Variants in TTC28 observed in about 807,000 individuals in gnomAD.
TTC28 encodes the protein tetratricopeptide repeat protein 28.
A neutral mutation model predicts 198.0 loss-of-function variants in TTC28; 61 were observed. The observed-to-expected ratio is 0.31, with a 90% CI of 0.25 to 0.38. The LOEUF (loss-of-function observed/expected upper bound fraction) is 0.38. TTC28 is among the 10% of genes least tolerant of loss of function. The pLI is 1.00. For missense variants in TTC28, 2,678 were observed against 3,164.0 expected, an observed-to-expected ratio of 0.85 and a Z score of 3.69; for synonymous variants, 1,171 against 1,297.8, an observed-to-expected ratio of 0.90 and a Z score of 2.10.
At position 27,996,236 on chromosome 22, in the gene TTC28, C is replaced by A; in HGVS notation, c.5143G>T (p.Val1715Phe). Reference sequence around the variant, plus strand: ...AGTGATGAGGGGCTGTTCAGCTTAACGTCACTCCCGATGAGCATGAACCCT... The same window carrying A: ...AGTGATGAGGGGCTGTTCAGCTTAAAGTCACTCCCGATGAGCATGAACCCT... Reference protein sequence around the residue: ...WAGFMLIGSDVKLNSPSSLIG... With the variant: ...WAGFMLIGSDFKLNSPSSLIG... Residue 1715 changes from valine to phenylalanine, a missense_variant, in exon 17 of 23, where the codon GTT becomes TTT. Val to Phe is a conservative substitution (Grantham distance 50). Coordinates refer to ENST00000397906, the MANE Select transcript of TTC28 (RefSeq NM_001145418.2). 1.3e-6 allele frequency: 2 copies of A among 1,551,154 alleles called. No homozygotes were observed. Among genetic ancestry groups the A allele is most frequent in the African/African-American group, 1.4e-5 (1 of 73,186 alleles).
At position 28,108,246 on chromosome 22, in the gene TTC28, C is replaced by T. The variant is rs562938174; in HGVS notation, c.1599G>A (p.Ala533=). 1.9e-5 allele frequency: 30 copies of T among 1,550,804 alleles called. No homozygotes were observed. Among genetic ancestry groups the T allele is most frequent in the South Asian group, 8.3e-5 (7 of 83,998 alleles). The part of the protein sequence containing the change: ...AYNALGMYDQ[A]VKYHRQELQI... ...GCAGCTCCTGCCGATGGTATTTGAC[C>T]GCCTGGTCGTACATGCCCAGGGCAT... The change falls in exon 7 of 23, where the codon GCG becomes GCA. Residue 533 remains alanine, a synonymous_variant. Transcript: ENST00000397906.
chr22:28,070,248 C>T (rs984247858), intron 12 of TTC28, among the ~76,000 whole-genome samples: 11 of 152,112 alleles, frequency 7.2e-5, no homozygotes, highest in African/African-American at 2.4e-4. Flanking sequence ...CAATCTCTGC[C>T]CTCAATGGGC....
chr22:28,558,464 A>T (rs2049818893), intron 2 of TTC28, among the ~76,000 whole-genome samples: 1 of 152,108 alleles, frequency 6.6e-6, no homozygotes, highest in Non-Finnish European at 1.5e-5. Flanking sequence ...ACCTGAGGTC[A>T]GGAGTTCAAG....
chr22:28,512,555 G>C (rs549287707), intron 2 of TTC28, among the ~76,000 whole-genome samples: 39 of 152,292 alleles, frequency 2.6e-4, no homozygotes, highest in African/African-American at 8.7e-4. Context: ...ACTAGATAAA[G>C]AAAATGTGGT....
chr22:28,085,842 A>C (rs1941571175), intron 12 of TTC28, among the ~76,000 whole-genome samples: 1 of 152,116 alleles, frequency 6.6e-6, no homozygotes. Context: ...GGAAAACAAA[A>C]AAAGGCAGGG....
At chr22:28,223,348 A>G (rs1748120321) in intron 5 of TTC28, among the ~76,000 whole-genome samples, 1 of 152,262 alleles carries the variant, frequency 6.6e-6, no homozygotes, top group South Asian at 2.1e-4. Context: ...TGAAGCCAGC[A>G]AAGTCCCTCT....
intron 2 of TTC28, among the ~76,000 whole-genome samples, chr22:28,541,680 T>C (rs1023816698): frequency 5.9e-5 from 9 of 151,850 alleles, no homozygotes; most frequent in Non-Finnish European, 8.8e-5. Flanking sequence ...AAATTAAAAG[T>C]TATTGTAACT....
chr22:28,510,786 C>T (rs2048677236), intron 2 of TTC28, among the ~76,000 whole-genome samples: 1 of 152,026 alleles, frequency 6.6e-6, no homozygotes, highest in African/African-American at 2.4e-5. Flanking sequence ...GCTTCCTAAG[C>T]TAAAAAACAA....
At chr22:28,361,952 T>C (rs2046165602) in intron 2 of TTC28, among the ~76,000 whole-genome samples, 1 of 152,216 alleles carries the variant, frequency 6.6e-6, no homozygotes. Context: ...AGCACACTAT[T>C]GAGACCCTAC....
chr22:28,127,620 T>C (rs1942951055), intron 6 of TTC28, among the ~76,000 whole-genome samples: 2 of 152,218 alleles, frequency 1.3e-5, no homozygotes, highest in African/African-American at 2.4e-5. Flanking sequence ...TTCATATTGA[T>C]TACATGGTGA....
At chr22:28,049,228 G>T (rs1939984207) in intron 12 of TTC28, among the ~76,000 whole-genome samples, 1 of 152,166 alleles carries the variant, frequency 6.6e-6, no homozygotes. Context: ...ATGTGCCACA[G>T]GAGCAGCACA....
chr22:28,426,599 C>A (rs370344842), intron 2 of TTC28, among the ~76,000 whole-genome samples: 3 of 152,246 alleles, frequency 2.0e-5, no homozygotes, highest in South Asian at 2.1e-4. Context: ...GGGAACCACT[C>A]GGTGATCCAC....
At chr22:28,509,710 C>T (rs541923398) in intron 2 of TTC28, among the ~76,000 whole-genome samples, 4 of 151,274 alleles carry the variant, frequency 2.6e-5, no homozygotes, top group African/African-American at 7.3e-5. Context: ...GATGGAGACA[C>T]GAAAAGCCCT....
intron 2 of TTC28, among the ~76,000 whole-genome samples, chr22:28,369,402 T>C (rs980520586): frequency 6.6e-6 from 1 of 152,238 alleles, no homozygotes; most frequent in East Asian, 1.9e-4. Flanking sequence ...TGTTGTATCA[T>C]TAACATGTGT....
At chr22:28,555,750 G>A (rs1280527839) in intron 2 of TTC28, among the ~76,000 whole-genome samples, 1 of 152,238 alleles carries the variant, frequency 6.6e-6, no homozygotes. Flanking sequence ...CTGCTCGGGC[G>A]ATGGGTGCAC....
chr22:28,460,505 A>G (rs2047931970), intron 2 of TTC28, among the ~76,000 whole-genome samples: 1 of 152,068 alleles, frequency 6.6e-6, no homozygotes, highest in Non-Finnish European at 1.5e-5. Context: ...TTTCTGCCCA[A>G]AAGAATATCT....
intron 2 of TTC28, among the ~76,000 whole-genome samples, chr22:28,351,275 A>T (rs1242043986): frequency 1.3e-5 from 2 of 152,218 alleles, no homozygotes; most frequent in Non-Finnish European, 2.9e-5. Context: ...TGCATTCTAC[A>T]AACAAAAGAG....
At chr22:28,362,920 C>T (rs134512) in intron 2 of TTC28, among the ~76,000 whole-genome samples, 149,087 of 152,246 alleles carry the variant, frequency 0.98, 72,996 homozygotes, top group East Asian at 0.99. Flanking sequence ...GGAAGCAGAA[C>T]ATAAAAGTTC....
intron 2 of TTC28, among the ~76,000 whole-genome samples, chr22:28,472,552 A>ATGTGTGTGTGTGTG (rs3053555): frequency 8.7e-6 from 1 of 114,726 alleles, no homozygotes; most frequent in Non-Finnish European, 2.1e-5. Context: ...GAAAATGTGT[A>ATGTGTGTGTGTGTG]TGTGTGTGTG....
Sources: gnomAD v4.1 joint callset for allele counts (sites outside exome capture counted in the v4.1 genomes callset) on GRCh38, gnomAD v4.1.1 for gene constraint, MANE v1.5 for transcripts, NCBI Gene and HGNC (gene_info 2026-07-23, HGNC 2026-07-21) for gene names.